Variants in DIAPH2 observed in about 807,000 individuals in gnomAD.
DIAPH2 encodes protein diaphanous homolog 2.
Under a neutral mutation model 92.7 loss-of-function variants are expected in DIAPH2, and 35 were observed. The observed-to-expected ratio is 0.38, with a 90% CI of 0.29 to 0.50. DIAPH2 has a LOEUF of 0.50. Among genes scored for constraint, DIAPH2 ranks in the 20% least tolerant of loss-of-function variants. The pLI is 0.94. For missense variants in DIAPH2, 701 were observed against 819.5 expected, an observed-to-expected ratio of 0.86 and a Z score of 1.77; for synonymous variants, 301 against 280.4, an observed-to-expected ratio of 1.07 and a Z score of -0.73.
chrX:96,810,655 T>G (rs1252593667), intron 4 of DIAPH2, among the ~76,000 whole-genome samples: 1 of 111,758 alleles, frequency 8.9e-6, no homozygotes, highest in Non-Finnish European at 1.9e-5. Context: ...GTTTTAGGTC[T>G]AACGTTTAAG....
intron 5 of DIAPH2, among the ~76,000 whole-genome samples, chrX:96,907,588 C>T (rs1041045594): frequency 1.9e-4 from 21 of 112,019 alleles, no homozygotes; most frequent in African/African-American, 6.8e-4. Flanking sequence ...AGTCACTTAA[C>T]TACTTTGCTT....
chrX:97,258,674 C>T (rs1263584696), intron 23 of DIAPH2, among the ~76,000 whole-genome samples: 1 of 107,912 alleles, frequency 9.3e-6, no homozygotes, highest in Non-Finnish European at 1.9e-5. Context: ...TCTAGACCAT[C>T]CTGGCTAACA....
intron 4 of DIAPH2, among the ~76,000 whole-genome samples, chrX:96,842,694 C>A (rs1158138731): frequency 1.8e-5 from 2 of 111,995 alleles, no homozygotes; most frequent in Non-Finnish European, 3.8e-5. Flanking sequence ...AATTACCCAA[C>A]TCTTTCACCT....
chrX:97,323,005 A>C (rs1419268171), intron 23 of DIAPH2, among the ~76,000 whole-genome samples: 2 of 103,789 alleles, frequency 1.9e-5, no homozygotes, highest in Non-Finnish European at 3.9e-5. Context: ...TCCCAGGTTC[A>C]AATGATTCTC....
intron 26 of DIAPH2, among the ~76,000 whole-genome samples, chrX:97,525,752 A>T (rs1379789205): frequency 8.9e-6 from 1 of 112,214 alleles, no homozygotes; most frequent in African/African-American, 3.2e-5. Flanking sequence ...TAGGAGAAAT[A>T]AAAACACAAA....
chrX:97,393,369 A>G (rs1431074850), intron 25 of DIAPH2, among the ~76,000 whole-genome samples: 2 of 112,050 alleles, frequency 1.8e-5, no homozygotes, highest in Non-Finnish European at 3.8e-5. Context: ...ATATTGATAT[A>G]TTTTGGCACA....
At chrX:97,594,204 C>T (rs749054177) in intron 26 of DIAPH2, among the ~76,000 whole-genome samples, 132 of 106,911 alleles carry the variant, frequency 1.2e-3, no homozygotes, top group African/African-American at 4.3e-3. Context: ...TATATACGTA[C>T]ACATACACAA....
intron 26 of DIAPH2, among the ~76,000 whole-genome samples, chrX:97,477,347 G>A (rs2070617350): frequency 9.5e-6 from 1 of 105,420 alleles, no homozygotes; most frequent in Non-Finnish European, 2.0e-5. Flanking sequence ...TATATAGGCC[G>A]TGTGCTGTGG....
chrX:97,379,788 G>C (rs930501565), intron 24 of DIAPH2, among the ~76,000 whole-genome samples: 7 of 111,637 alleles, frequency 6.3e-5, no homozygotes, highest in African/African-American at 2.3e-4. Flanking sequence ...AATGGTGGTG[G>C]TGGTGGTAGT....
At chrX:97,310,497 C>A (rs1271699876) in intron 23 of DIAPH2, among the ~76,000 whole-genome samples, 1 of 111,651 alleles carries the variant, frequency 9.0e-6, no homozygotes, top group East Asian at 2.8e-4. Flanking sequence ...GAATAAGGAT[C>A]TAAAGAAAGT....
At chrX:96,912,584 A>G (rs751165767) in intron 7 of DIAPH2, 32 bp downstream of exon 7, 94 of 1,144,171 alleles carry the variant, frequency 8.2e-5, no homozygotes, top group Non-Finnish European at 1.1e-4. Context: ...CCCTGTCACA[A>G]AAGGTGGGAA....
chrX:96,848,606 T>G (rs1453904553), intron 4 of DIAPH2, among the ~76,000 whole-genome samples: 2 of 112,100 alleles, frequency 1.8e-5, no homozygotes, highest in Non-Finnish European at 1.9e-5. Context: ...GTCTTCTATA[T>G]CAAGCAATGG....
rs752155445 is a variant in DIAPH2, at chrX:97,289,715, A to ATT, written c.2844+41890_2844+41891dup. Among the ~76,000 whole-genome samples the ATT allele has an allele frequency of 1.3e-4, 13 of 96,362 alleles. No homozygotes were observed. In the East Asian group the frequency reaches 2.3e-3, roughly 17 times the overall value. The allele number at this position is 96,362 out of a possible 115,157, so 83.7% of individuals were successfully genotyped here. A position where few individuals can be genotyped will look rare whatever the true frequency, so the allele number is the denominator to read the frequency against. On this transcript the variant is annotated intron_variant, in intron 23 of 26. Coordinates refer to ENST00000324765, the MANE Select transcript of DIAPH2 (RefSeq NM_006729.5). Reference sequence around the variant, plus strand: ...TTGAAGCAGTAAAAACAACAATCCAATTTTTTTTTTTTTTTGGTTTGTTTT... The same window carrying ATT: ...TTGAAGCAGTAAAAACAACAATCCAATTTTTTTTTTTTTTTTTGGTTTGTTTT...
At chrX:96,749,128 G>GAAAAAAAAAAAA (rs759288156) in intron 3 of DIAPH2, among the ~76,000 whole-genome samples, 1 of 55,624 alleles carries the variant, frequency 1.8e-5, no homozygotes, top group Non-Finnish European at 3.1e-5. Flanking sequence ...TACCCCATCA[G>GAAAAAAAAAAAA]AAAAAAAAAA....
At chrX:96,988,411 G>C (rs1000172315) in intron 17 of DIAPH2, among the ~76,000 whole-genome samples, 16 of 109,959 alleles carry the variant, frequency 1.5e-4, no homozygotes, top group African/African-American at 5.3e-4. Context: ...ACTTGTTGAC[G>C]GATTGGATGC....
chrX:96,718,288 T>C (rs1417127118), intron 1 of DIAPH2, among the ~76,000 whole-genome samples: 1 of 106,512 alleles, frequency 9.4e-6, no homozygotes, highest in African/African-American at 3.4e-5. Flanking sequence ...CTTGTTCTTT[T>C]TTATGGCTGG....
rs1007225636 is a variant in DIAPH2 at position 97,083,309 on chromosome X, C to T, written c.2247+8048C>T. On this transcript the variant is annotated intron_variant, in intron 19 of 26. Transcript: ENST00000324765. Reference sequence around the variant, plus strand: ...TATTTTAGGAAGGCAGGAAGGAATACACAAGGGAAATTTAAGTCTTTTAAT... The same window carrying T: ...TATTTTAGGAAGGCAGGAAGGAATATACAAGGGAAATTTAAGTCTTTTAAT... Among the ~76,000 whole-genome samples the T allele has an allele frequency of 8.9e-5, 10 of 112,218 alleles. No homozygotes were observed. In the East Asian group the frequency reaches 2.5e-3, roughly 28 times the overall value.
intron 17 of DIAPH2, among the ~76,000 whole-genome samples, chrX:97,071,208 A>T (rs777238976): frequency 8.0e-5 from 9 of 111,924 alleles, no homozygotes; most frequent in Admixed American, 4.8e-4. Context: ...CAATTGTCTT[A>T]AGCTGGAACT....
chrX:97,517,305 GA>G (rs1243690558), intron 26 of DIAPH2, among the ~76,000 whole-genome samples: 2 of 111,357 alleles, frequency 1.8e-5, no homozygotes, highest in African/African-American at 3.3e-5. Context: ...GATGGTTTAA[GA>G]AAAAAAATTA....
Sources: gnomAD v4.1 joint callset for allele counts (sites outside exome capture counted in the v4.1 genomes callset) on GRCh38, gnomAD v4.1.1 for gene constraint, MANE v1.5 for transcripts, NCBI Gene and HGNC (gene_info 2026-07-23, HGNC 2026-07-21) for gene names.